DOK4: variants seen among roughly 807,000 people sequenced by gnomAD.
DOK4 encodes the protein downstream of tyrosine kinase 4.
Under a neutral mutation model 40.1 loss-of-function variants are expected in DOK4, and 26 were observed. That is an observed-to-expected ratio of 0.65 (90% CI 0.48 to 0.90). The LOEUF (loss-of-function observed/expected upper bound fraction) is 0.90. Ranked by LOEUF, DOK4 falls within the 40% of genes least tolerant of loss-of-function variation. The pLI is 0.00. For missense variants in DOK4, 392 were observed against 437.2 expected, an observed-to-expected ratio of 0.90 and a Z score of 0.92; for synonymous variants, 179 against 177.0, an observed-to-expected ratio of 1.01 and a Z score of -0.09.
chr16:57,475,131 G>T (rs753524419), exon 5 of DOK4: 18 of 1,613,872 alleles, frequency 1.1e-5, no homozygotes, highest in Non-Finnish European at 1.4e-5. Context: ...CTGGGGCCAG[G>T]AGGTCAGGTT....
chr16:57,486,095 G>T (rs2031531083), intron 1 of DOK4, among the ~76,000 whole-genome samples: 1 of 152,084 alleles, frequency 6.6e-6, no homozygotes, highest in Non-Finnish European at 1.5e-5. Flanking sequence ...AGCTGCGGGT[G>T]GAGAGAGCGC....
chr16:57,481,060 G>A (rs1314869238), intron 1 of DOK4, among the ~76,000 whole-genome samples: 11 of 152,178 alleles, frequency 7.2e-5, no homozygotes, highest in Non-Finnish European at 1.0e-4. Context: ...GGGTGGGAAC[G>A]GAGCAGCATT....
chr16:57,473,810 C>A, intron 7 of DOK4, 74 bp from the exon 8 acceptor site: 1 of 1,591,312 alleles, frequency 6.3e-7, no homozygotes, highest in South Asian at 1.2e-5. Context: ...AAGACCCTAC[C>A]TGCCTCCACT....
intron 6 of DOK4, 170 bp downstream of exon 6, chr16:57,474,623 T>C (rs1251963116): frequency 1.5e-5 from 13 of 872,274 alleles, no homozygotes; most frequent in Non-Finnish European, 2.3e-5. Context: ...AAGTTACTCC[T>C]CTAAGCCTCC....
Position 57,479,356 on chromosome 16 carries a change from C to T in DOK4, c.66+86G>A. 2 of 1,459,872 alleles carry T rather than the reference C, an allele frequency of 1.4e-6. No individual in the cohort carries two copies. Among genetic ancestry groups the T allele is most frequent in the South Asian group, 1.2e-5 (1 of 85,076 alleles). The allele number at this position is 1,459,872 out of a possible 1,614,324, so 90.4% of individuals were successfully genotyped here. ...CGGCAGCCGGAGGGCAGCCGCGTGC[C>T]CCACGCGCCATGCCTCCAAGCCTGG... On this transcript the variant is annotated intron_variant, in intron 2 of 8. Transcript: ENST00000340099. This position sits in a 1 kb window ranked among gnomAD's most constrained non-coding sequence, Gnocchi z 5.8.
chr16:57,473,110 A>G (rs1340276694), exon 9 of DOK4: 8 of 466,146 alleles, frequency 1.7e-5, no homozygotes, highest in Non-Finnish European at 1.9e-5. Context: ...AGGGGATCTC[A>G]TTGATACAGA....
rs1471531084 is a variant in DOK4, at chr16:57,473,888, C to G, written c.738+13G>C. ...CCTCCCCCCGTACCCTGGACTGATG[C>G]CCGCTGCCTCACCCTCACGTTCTTC... On this transcript the variant is annotated intron_variant, in intron 7 of 8. Coordinates refer to ENST00000340099, the Ensembl canonical transcript of DOK4. 7.4e-7 allele frequency: 1 copy of G among 1,342,960 alleles called. No individual in the cohort carries two copies. Among genetic ancestry groups the G allele is most frequent in the Non-Finnish European group, 1.1e-6 (1 of 948,062 alleles). The allele number at this position is 1,342,960 out of a possible 1,614,324, so 83.2% of individuals were successfully genotyped here.
Position 57,475,200 on chromosome 16 carries a change from C to T in DOK4, c.309G>A (p.Trp103Ter). 1 of 1,613,706 alleles carries T rather than the reference C, an allele frequency of 6.2e-7. No individual in the cohort carries two copies. The highest frequency in any genetic ancestry group is 8.5e-7 in the Non-Finnish European group (1 of 1,179,804). Reference sequence around the variant, plus strand: ...GACACTCCACAGATAGTGTCTTGTACCACTCCTCTGCCTCTAGCTCTGAAG... The same window carrying T: ...GACACTCCACAGATAGTGTCTTGTATCACTCCTCTGCCTCTAGCTCTGAAG... Residue 103 changes from tryptophan to a stop codon, truncating the protein, a stop_gained, in exon 5 of 9, where the codon TGG becomes TGA. Coordinates refer to ENST00000340099, the Ensembl canonical transcript of DOK4. LOFTEE classifies it high-confidence loss of function.
rs575032652 is a variant in DOK4 at position 57,475,967 on chromosome 16, G to T, written c.67-10C>A. ...AGCACCTCCGGTAGATCTGTGGAGC[G>T]AGATGACAGGGCTCAGGCCTCCCTG... On this transcript the variant is annotated splice_polypyrimidine_tract_variant and intron_variant, in intron 2 of 8. Coordinates refer to ENST00000340099, the Ensembl canonical transcript of DOK4. 9 of 1,608,906 alleles carry T rather than the reference G, an allele frequency of 5.6e-6. No homozygotes were observed. In the South Asian group the frequency reaches 9.9e-5, roughly 18 times the overall value.
chr16:57,482,383 T>TTC (rs2031442321), intron 1 of DOK4, among the ~76,000 whole-genome samples: 1 of 148,620 alleles, frequency 6.7e-6, no homozygotes, highest in African/African-American at 2.5e-5. Flanking sequence ...TTTTTTTTTT[T>TTC]TGAGACGGAG....
intron 6 of DOK4, 191 bp downstream of exon 6, chr16:57,474,602 A>G: frequency 5.5e-6 from 4 of 722,282 alleles, no homozygotes; most frequent in South Asian, 1.9e-5. Flanking sequence ...CTTGACCTGC[A>G]TGCTGTGGGC....
intron 3 of DOK4, 71 bp from the exon 4 acceptor site, chr16:57,475,691 T>TCC: frequency 4.8e-6 from 4 of 830,728 alleles, no homozygotes; most frequent in East Asian, 3.0e-5. Context: ...TCTCTCTCTC[T>TCC]CTCTCCCTCC....
rs537161026 is a variant in DOK4, at chr16:57,480,824, G to T, written c.-181-1136C>A. Among the ~76,000 whole-genome samples, 649 of 152,320 alleles carry T rather than the reference G, an allele frequency of 4.3e-3. 3 individuals are homozygous for T. The highest frequency in any genetic ancestry group is 7.6e-3 in the Admixed American group (116 of 15,304). On this transcript the variant is annotated intron_variant, in intron 1 of 8. Transcript: ENST00000340099. ...CCCCTTCATTTTATAGATGGAGAAA[G>T]AAAAGTTGCCCAGAGAGGGTAAGCT...
chr16:57,486,884 T>C (rs1331988642), upstream of DOK4, among the ~76,000 whole-genome samples: 3 of 152,108 alleles, frequency 2.0e-5, no homozygotes, highest in Non-Finnish European at 2.9e-5. Context: ...CATGACTCTC[T>C]GGGCCCTCAC....
chr16:57,475,116 C>T (rs776178420), exon 5 of DOK4: 4 of 1,613,866 alleles, frequency 2.5e-6, no homozygotes, highest in South Asian at 1.1e-5. Context: ...GTTCACACTG[C>T]ACCCCTGGGG....
chr16:57,486,463 G>T (rs1413761928), exon 1 of DOK4: 1 of 150,160 alleles, frequency 6.7e-6, no homozygotes, highest in Non-Finnish European at 1.5e-5. Context: ...GCTAGGGATC[G>T]GGCTCCGGCT....
chr16:57,474,685 G>A, intron 6 of DOK4, 108 bp downstream of exon 6: 2 of 1,370,262 alleles, frequency 1.5e-6, no homozygotes, highest in Non-Finnish European at 2.0e-6. Context: ...CCTTGGGATT[G>A]CTAGGCCAAT....
intron 2 of DOK4, among the ~76,000 whole-genome samples, chr16:57,478,318 C>T (rs1384195461): frequency 6.6e-6 from 1 of 152,150 alleles, no homozygotes; most frequent in African/African-American, 2.4e-5. Context: ...CTGTCTGGTA[C>T]CCAGGTAGGG....
exon 9 of DOK4, chr16:57,473,413 C>A: frequency 1.2e-6 from 2 of 1,614,118 alleles, no homozygotes; most frequent in Non-Finnish European, 1.7e-6. Context: ...TGCTGTCCCC[C>A]TGGCTGGGCT....
Sources: gnomAD v4.1 joint callset for allele counts (sites outside exome capture counted in the v4.1 genomes callset) on GRCh38, gnomAD v4.1.1 for gene constraint, Gnocchi (gnomAD v3.1) non-coding constraint, MANE v1.5 for transcripts, NCBI Gene and HGNC (gene_info 2026-07-23, HGNC 2026-07-21) for gene names.